APTX: variants seen among roughly 807,000 people sequenced by gnomAD.
APTX encodes the protein aprataxin.
In APTX, 33 loss-of-function variants were observed where a neutral mutation model predicts 42.3. That is an observed-to-expected ratio of 0.78 (90% CI 0.59 to 1.04). The LOEUF is 1.04. APTX is among the 50% of genes least tolerant of loss of function. The pLI, the probability that APTX is intolerant of heterozygous loss-of-function variation, is 0.00. For missense variants in APTX, 421 were observed against 415.1 expected (o/e 1.01, Z -0.12); for synonymous variants, 130 against 146.7 (o/e 0.89, Z 0.82).
chr9:32,979,071 T>A (rs935304883), intron 6 of APTX, among the ~76,000 whole-genome samples: 1 of 152,202 alleles, frequency 6.6e-6, no homozygotes, highest in Non-Finnish European at 1.5e-5. Flanking sequence ...CAGGGATCCA[T>A]GTGCAGGTTT....
At chr9:32,991,951 C>G (rs755389818) in intron 1 of APTX, among the ~76,000 whole-genome samples, 4 of 151,996 alleles carry the variant, frequency 2.6e-5, no homozygotes, top group Non-Finnish European at 5.9e-5. Flanking sequence ...GTGGAAGATC[C>G]AAGACTCAAG....
intron 6 of APTX, among the ~76,000 whole-genome samples, chr9:32,982,124 G>A (rs1587412741): frequency 6.6e-6 from 1 of 151,964 alleles, no homozygotes; most frequent in Admixed American, 6.6e-5. Flanking sequence ...TATTGAGAAG[G>A]ACACAATCAG....
chr9:32,990,332 C>T (rs1458073896), intron 1 of APTX, among the ~76,000 whole-genome samples: 1 of 152,086 alleles, frequency 6.6e-6, no homozygotes, highest in Non-Finnish European at 1.5e-5. Flanking sequence ...GCCACCACAC[C>T]TGGCTAATTT....
rs376818632 is a variant in APTX, at chr9:32,990,549, G to T, written c.-4-654C>A. ...AAAGGATGAATAAAACAGGGACATT[G>T]TCCCTGTCCTTGAGGAGCCTGGAGT... On this transcript the variant is annotated intron_variant, in intron 1 of 7. Transcript: ENST00000379817. Among the ~76,000 whole-genome samples the T allele has an allele frequency of 5.3e-5, 8 of 152,278 alleles. No individual in the cohort carries two copies. In the South Asian group the frequency reaches 1.7e-3, roughly 32 times the overall value.
At chr9:33,001,029 T>C (rs1487183294) in intron 1 of APTX, among the ~76,000 whole-genome samples, 2 of 151,876 alleles carry the variant, frequency 1.3e-5, no homozygotes, top group African/African-American at 4.8e-5. Flanking sequence ...GTATTTTTAG[T>C]AGAGACGGGG....
At chr9:32,985,839 C>T in intron 5 of APTX, 132 bp downstream of exon 5, 1 of 886,150 alleles carries the variant, frequency 1.1e-6, no homozygotes. Context: ...CTCTTGTTCT[C>T]ACAGAACAGC....
At chr9:33,012,260 T>TAG (rs1010981825) in intron 1 of APTX, among the ~76,000 whole-genome samples, 2 of 152,092 alleles carry the variant, frequency 1.3e-5, no homozygotes, top group African/African-American at 4.8e-5. Flanking sequence ...TTGGATATTT[T>TAG]AGAGAGAGAG....
chr9:32,977,256 C>A (rs2118392784), intron 6 of APTX, among the ~76,000 whole-genome samples: 1 of 152,286 alleles, frequency 6.6e-6, no homozygotes, highest in South Asian at 2.1e-4. Context: ...GAGGCTGATG[C>A]AGGTGGATCA....
chr9:33,005,288 CCTGT>C (rs1184692399), upstream of APTX, among the ~76,000 whole-genome samples: 3 of 152,062 alleles, frequency 2.0e-5, no homozygotes, highest in Admixed American at 2.0e-4. Flanking sequence ...ACTTTTGCTG[CCTGT>C]CTTTTGGTGT....
At chr9:32,988,167 A>G (rs1274379881) in intron 2 of APTX, 38 bp from the exon 3 acceptor site, 1 of 1,594,472 alleles carries the variant, frequency 6.3e-7, no homozygotes, top group South Asian at 1.1e-5. Flanking sequence ...CAAATGCAAC[A>G]AAGAACCAGG....
chr9:32,976,460 T>A (rs1169213643), intron 6 of APTX, among the ~76,000 whole-genome samples: 1 of 152,192 alleles, frequency 6.6e-6, no homozygotes, highest in African/African-American at 2.4e-5. Flanking sequence ...ATTACATGAA[T>A]AGAAAGTCAC....
At position 32,986,032 on chromosome 9, in the gene APTX, T is replaced by TAA. The variant is rs373304582; in HGVS notation, c.484-4_484-3dup. The TAA allele has an allele frequency of 3.8e-4, 275 of 732,832 alleles. No homozygotes were observed. The highest frequency in any genetic ancestry group is 2.7e-3 in the African/African-American group (56 of 20,536). 45.4% of individuals were successfully genotyped at this position (732,832 alleles called of 1,614,324 possible). A position where few individuals can be genotyped will look rare whatever the true frequency, so the allele number is the denominator to read the frequency against. ...TTGACTCCAGTGGCCCAGGGATTCC[T>TAA]AAAAAAAAAACAAAAAAAAAAACAA... On this transcript the variant is annotated splice_polypyrimidine_tract_variant and splice_region_variant and intron_variant, in intron 4 of 7. Coordinates refer to ENST00000379817, the MANE Select transcript of APTX (RefSeq NM_001195248.2).
At chr9:32,983,547 G>A (rs1238782082) in intron 6 of APTX, among the ~76,000 whole-genome samples, 3 of 152,166 alleles carry the variant, frequency 2.0e-5, no homozygotes, top group East Asian at 3.9e-4. Context: ...GTACTGACTA[G>A]GGAAAAATCT....
intron 1 of APTX, among the ~76,000 whole-genome samples, chr9:33,017,897 A>C (rs928660276): frequency 6.6e-6 from 1 of 150,618 alleles, no homozygotes; most frequent in Non-Finnish European, 1.5e-5. Flanking sequence ...CCAATCCTCT[A>C]ATCACTTGGT....
intron 4 of APTX, 190 bp from the exon 5 acceptor site, chr9:32,986,220 T>TC (rs1587456265): frequency 1.4e-6 from 1 of 728,804 alleles, no homozygotes; most frequent in South Asian, 1.4e-5. Context: ...TCCTATATTC[T>TC]CTTTTTTTTT....
intron 1 of APTX, chr9:33,019,748 A>G: frequency 1.7e-6 from 1 of 587,682 alleles, no homozygotes. Flanking sequence ...CCGCACCACC[A>G]GAGAAAGATG....
At chr9:33,010,121 C>T (rs1476571592) in intron 1 of APTX, among the ~76,000 whole-genome samples, 1 of 152,136 alleles carries the variant, frequency 6.6e-6, no homozygotes, top group African/African-American at 2.4e-5. Context: ...AAGAACCTTA[C>T]GGTATCTGGG....
At chr9:32,977,914 G>A (rs1450672286) in intron 6 of APTX, among the ~76,000 whole-genome samples, 1 of 152,036 alleles carries the variant, frequency 6.6e-6, no homozygotes, top group African/African-American at 2.4e-5. Context: ...TTTAAAGAAG[G>A]GGCATTAGGT....
Position 33,024,202 on chromosome 9 carries a change from G to A in APTX, c.-5+821C>T, listed in dbSNP as rs578258309. 1.4e-4 allele frequency among the ~76,000 whole-genome samples: 21 copies of A among 152,246 alleles called. No individual in the cohort carries two copies. In the South Asian group the frequency reaches 4.1e-3, roughly 30 times the overall value. Reference sequence around the variant, plus strand: ...TTCTGTTTTTGTTTTAAATCGAGACGGGGTTTCACCATGTTGCTTGGGCTG... The same window carrying A: ...TTCTGTTTTTGTTTTAAATCGAGACAGGGTTTCACCATGTTGCTTGGGCTG... On this transcript the variant is annotated intron_variant, in intron 1 of 6. Transcript: ENST00000436040.
Sources: gnomAD v4.1 joint callset for allele counts (sites outside exome capture counted in the v4.1 genomes callset) on GRCh38, gnomAD v4.1.1 for gene constraint, MANE v1.5 for transcripts, NCBI Gene and HGNC (gene_info 2026-07-23, HGNC 2026-07-21) for gene names.